The following GBE1 variants were observed in gnomAD, a reference collection of about 807,000 sequenced individuals.
The protein encoded by GBE1 is 1,4-alpha-glucan-branching enzyme.
Under a neutral mutation model 88.8 loss-of-function variants are expected in GBE1, and 70 were observed. The ratio of observed to expected loss-of-function variants is 0.79; its 90% CI spans 0.65 to 0.96. GBE1 has a LOEUF of 0.96. Ranked by LOEUF, GBE1 falls within the 40% of genes least tolerant of loss-of-function variation. GBE1 has a pLI of 0.00. For synonymous variants in GBE1, 284 were observed against 300.1 expected (o/e 0.95, Z 0.56); for missense variants, 872 against 871.0 (o/e 1.00, Z -0.01).
At chr3:81,608,506 C>T (rs1049629562) in intron 7 of GBE1, among the ~76,000 whole-genome samples, 2 of 152,164 alleles carry the variant, frequency 1.3e-5, no homozygotes, top group African/African-American at 4.8e-5. Context: ...TCAACCTTCA[C>T]TAAAGGTCAC....
At chr3:81,573,773 C>CTGTGTG (rs201683183) in intron 12 of GBE1, among the ~76,000 whole-genome samples, 24,238 of 116,442 alleles carry the variant, frequency 0.21, 1,985 homozygotes, top group Non-Finnish European at 0.25. Flanking sequence ...CTCTCTCTCT[C>CTGTGTG]TCTGTGTGTG....
chr3:81,738,535 T>TA (rs1192619445), intron 1 of GBE1, among the ~76,000 whole-genome samples: 12 of 151,624 alleles, frequency 7.9e-5, no homozygotes, highest in African/African-American at 2.9e-4. Flanking sequence ...TGTTTTTTTT[T>TA]TAAAAAAAAA....
chr3:81,702,235 A>C (rs1460321323), intron 2 of GBE1, among the ~76,000 whole-genome samples: 1 of 150,892 alleles, frequency 6.6e-6, no homozygotes, highest in Non-Finnish European at 1.5e-5. Context: ...TTCTGTGTTC[A>C]CTAAAGTCAT....
chr3:81,699,916 G>T (rs1300683699), intron 2 of GBE1, among the ~76,000 whole-genome samples: 1 of 152,166 alleles, frequency 6.6e-6, no homozygotes, highest in Non-Finnish European at 1.5e-5. Context: ...TTGACATAAG[G>T]CTTGGCCATG....
chr3:81,584,577 A>G (rs942362000), intron 10 of GBE1, among the ~76,000 whole-genome samples: 14 of 152,018 alleles, frequency 9.2e-5, no homozygotes, highest in Non-Finnish European at 1.3e-4. Context: ...ATAGAAGATG[A>G]TAACTGCTTT....
intron 7 of GBE1, among the ~76,000 whole-genome samples, chr3:81,622,111 C>G (rs2107014947): frequency 6.6e-6 from 1 of 152,204 alleles, no homozygotes; most frequent in South Asian, 2.1e-4. Context: ...TTGTAAATAT[C>G]CTCTCTCTAT....
chr3:81,530,587 T>C (rs1211742765), intron 14 of GBE1, among the ~76,000 whole-genome samples: 2 of 152,042 alleles, frequency 1.3e-5, no homozygotes, highest in East Asian at 1.9e-4. Flanking sequence ...ACTACCTTGA[T>C]GGTCTTAGTT....
At chr3:81,731,872 G>A (rs756542232) in intron 1 of GBE1, among the ~76,000 whole-genome samples, 2 of 152,038 alleles carry the variant, frequency 1.3e-5, no homozygotes, top group Non-Finnish European at 2.9e-5. Context: ...AAGTTACTCA[G>A]TTTCAGGTAT....
chr3:81,578,211 T>C lies in GBE1; in HGVS notation c.1447-115A>G. The C allele has an allele frequency of 5.7e-6, 4 of 696,472 alleles. No individual in the cohort carries two copies. The South Asian group carries it at 7.3e-5, about 13-fold the overall frequency. 43.1% of individuals were successfully genotyped at this position (696,472 alleles called of 1,614,324 possible). ...TAGGAAACATCGTAGAAGAGGTGTG[T>C]AGATTAATATTAATTTCAGGTATTT... On this transcript the variant is annotated intron_variant, in intron 11 of 15. Coordinates refer to ENST00000429644, the MANE Select transcript of GBE1 (RefSeq NM_000158.4).
rs1262682549 is a variant in GBE1, at chr3:81,750,645, G to GTGTGTGTGTGTA, written c.143+10729_143+10730insTACACACACACA. The stretch of plus-strand genomic sequence containing the variant: ...TATATATATACGTATATATATATAT[G>GTGTGTGTGTGTA]TATATATATATATGTATATATATAT... On this transcript the variant is annotated intron_variant, in intron 1 of 15. Coordinates refer to ENST00000429644, the MANE Select transcript of GBE1 (RefSeq NM_000158.4). Among the ~76,000 whole-genome samples, 6 of 47,714 alleles carry GTGTGTGTGTGTA rather than the reference G, an allele frequency of 1.3e-4. 1 individual carries two copies. Among genetic ancestry groups the GTGTGTGTGTGTA allele is most frequent in the African/African-American group, 1.1e-3 (6 of 5,246 alleles). The allele number at this position is 47,714 out of a possible 152,430, so 31.3% of individuals were successfully genotyped here.
chr3:81,560,204 A>T (rs777316540), intron 12 of GBE1, among the ~76,000 whole-genome samples: 1 of 152,012 alleles, frequency 6.6e-6, no homozygotes. Flanking sequence ...CTAAAAAAAA[A>T]TTTTTAAGTG....
At chr3:81,717,967 A>ATTTAT (rs1404917176) in intron 1 of GBE1, among the ~76,000 whole-genome samples, 2 of 142,742 alleles carry the variant, frequency 1.4e-5, no homozygotes, top group Admixed American at 1.4e-4. Context: ...TTATTTATTT[A>ATTTAT]TTTATTTATT....
chr3:81,708,676 A>G (rs981488139), intron 1 of GBE1, among the ~76,000 whole-genome samples: 2 of 152,184 alleles, frequency 1.3e-5, no homozygotes, highest in African/African-American at 4.8e-5. Flanking sequence ...TATACATCAC[A>G]CAAAGATGCA....
intron 14 of GBE1, among the ~76,000 whole-genome samples, chr3:81,527,004 A>C (rs372347810): frequency 3.3e-5 from 5 of 152,140 alleles, no homozygotes; most frequent in African/African-American, 1.2e-4. Context: ...ACAGCATGGT[A>C]CTGGTACCAA....
chr3:81,605,926 C>A (rs1303126535), intron 7 of GBE1, among the ~76,000 whole-genome samples: 1 of 152,162 alleles, frequency 6.6e-6, no homozygotes, highest in Admixed American at 6.5e-5. Context: ...CATTTTACCA[C>A]TGTTAGTATG....
At chr3:81,541,583 A>G (rs1422151428) in intron 12 of GBE1, among the ~76,000 whole-genome samples, 1 of 151,764 alleles carries the variant, frequency 6.6e-6, no homozygotes, top group Non-Finnish European at 1.5e-5. Context: ...TAATGTTGTT[A>G]TAAAACAGGC....
At chr3:81,568,557 C>G (rs2106920140) in intron 12 of GBE1, among the ~76,000 whole-genome samples, 1 of 152,226 alleles carries the variant, frequency 6.6e-6, no homozygotes, top group South Asian at 2.1e-4. Flanking sequence ...CTATATTTAT[C>G]CTGACCACTT....
At chr3:81,665,591 C>G (rs1307944639) in intron 3 of GBE1, among the ~76,000 whole-genome samples, 2 of 151,584 alleles carry the variant, frequency 1.3e-5, no homozygotes, top group East Asian at 3.9e-4. Context: ...CTACTGTTAG[C>G]TCTTGTAAAC....
At chr3:81,602,406 T>C (rs1189628743) in intron 7 of GBE1, among the ~76,000 whole-genome samples, 2 of 152,200 alleles carry the variant, frequency 1.3e-5, no homozygotes, top group Admixed American at 6.6e-5. Context: ...CAAATTGCCA[T>C]AGACAGAGTA....
Sources: allele counts gnomAD v4.1 joint callset (sites outside exome capture counted in the v4.1 genomes callset), GRCh38; gene constraint gnomAD v4.1.1; transcripts MANE v1.5; gene names NCBI Gene and HGNC (gene_info 2026-07-23, HGNC 2026-07-21).